The following COL27A1 variants were observed in gnomAD, a reference collection of about 807,000 sequenced individuals.
The protein encoded by COL27A1 is collagen alpha-1(XXVII) chain.
A neutral mutation model predicts 251.3 loss-of-function variants in COL27A1; 106 were observed. The ratio of observed to expected loss-of-function variants is 0.42; its 90% CI spans 0.36 to 0.50. COL27A1 has a LOEUF of 0.50. Among genes scored for constraint, COL27A1 ranks in the 20% least tolerant of loss-of-function variants. COL27A1 has a pLI of 0.00. For synonymous variants in COL27A1, 1,000 were observed against 986.3 expected (o/e 1.01, Z -0.26); for missense variants, 2,325 against 2,522.8 (o/e 0.92, Z 1.68).
intron 4 of COL27A1, among the ~76,000 whole-genome samples, chr9:114,182,519 A>G (rs921804147): frequency 1.2e-4 from 18 of 152,190 alleles, no homozygotes; most frequent in African/African-American, 4.3e-4. Flanking sequence ...AGGGAACAGC[A>G]TGGGCAAACG....
chr9:114,275,141 G>T (rs1324678633), intron 36 of COL27A1, among the ~76,000 whole-genome samples: 1 of 151,880 alleles, frequency 6.6e-6, no homozygotes, highest in Non-Finnish European at 1.5e-5. Flanking sequence ...GCATGTGCCT[G>T]TAGTCCCAGC....
At chr9:114,224,169 T>G (rs2135401127) in intron 14 of COL27A1, among the ~76,000 whole-genome samples, 1 of 152,332 alleles carries the variant, frequency 6.6e-6, no homozygotes, top group East Asian at 1.9e-4. Context: ...AAGAAATATC[T>G]GCCATGGGAA....
At chr9:114,230,388 C>T (rs948139275) in intron 14 of COL27A1, among the ~76,000 whole-genome samples, 3 of 152,064 alleles carry the variant, frequency 2.0e-5, no homozygotes, top group East Asian at 1.9e-4. Flanking sequence ...GTCATGGGGA[C>T]AGCACTCAGC....
intron 7 of COL27A1, among the ~76,000 whole-genome samples, chr9:114,197,082 G>A (rs1333809669): frequency 6.6e-6 from 1 of 152,206 alleles, no homozygotes; most frequent in African/African-American, 2.4e-5. Flanking sequence ...TGGGGGGAAG[G>A]CAATGCAGAC....
intron 14 of COL27A1, among the ~76,000 whole-genome samples, chr9:114,230,561 C>T (rs1400440535): frequency 6.6e-6 from 1 of 152,158 alleles, no homozygotes; most frequent in Non-Finnish European, 1.5e-5. Flanking sequence ...CCCACAGGGT[C>T]CACCATCAAC....
At chr9:114,304,551 A>T (rs1311019262) in intron 56 of COL27A1, 57 bp from the exon 57 acceptor site, 1 of 1,540,340 alleles carries the variant, frequency 6.5e-7, no homozygotes, top group East Asian at 2.3e-5. Flanking sequence ...CTCCCACTTG[A>T]TGGGTGTGGA....
chr9:114,264,463 C>G (rs16927667), intron 29 of COL27A1, 55 bp downstream of exon 29: 1 of 1,379,530 alleles, frequency 7.2e-7, no homozygotes, highest in Non-Finnish European at 9.9e-7. Context: ...GGTCAGGAAT[C>G]GTGAACAAGG....
chr9:114,228,599 G>A (rs1463898741), intron 14 of COL27A1, among the ~76,000 whole-genome samples: 2 of 152,220 alleles, frequency 1.3e-5, no homozygotes, highest in African/African-American at 2.4e-5. Flanking sequence ...CCGTGATATC[G>A]CTGGAGCCCT....
Position 114,310,888 on chromosome 9 carries a change from G to A in COL27A1, c.*193G>A. 7.3e-6 allele frequency: 4 copies of A among 549,582 alleles called. No individual in the cohort carries two copies. The allele number at this position is 549,582 out of a possible 1,614,324, so 34.0% of individuals were successfully genotyped here. A position where few individuals can be genotyped will look rare whatever the true frequency, so the allele number is the denominator to read the frequency against. ...GGATAGGGTGTCCTTGGGAACAATG[G>A]ATCCCAGCTTAGCCCCAAAGACCAA... On this transcript the variant is annotated 3_prime_UTR_variant, in exon 61 of 61. Transcript: ENST00000356083.
intron 12 of COL27A1, among the ~76,000 whole-genome samples, chr9:114,218,951 GTTT>G (rs10710008): frequency 0.087 from 12,785 of 147,782 alleles, 605 homozygotes; most frequent in East Asian, 0.16. Context: ...CATGTGCTTT[GTTT>G]TTTTTTTTTT....
rs201145650 is a variant in COL27A1 at position 114,245,845 on chromosome 9, C to T, written c.2935-21C>T. 374 of 1,613,096 alleles carry T rather than the reference C, an allele frequency of 2.3e-4. 2 individuals are homozygous for T. In the East Asian group the frequency reaches 8.1e-3, roughly 35 times the overall value. ...CTTTCATCTCCCATCCCAATCCATC[C>T]TCCTCTTTGTCTCTTTGCAGGGGGA... is the stretch of plus-strand genomic sequence containing the variant. On this transcript the variant is annotated intron_variant, in intron 23 of 60. Transcript: ENST00000356083.
intron 37 of COL27A1, among the ~76,000 whole-genome samples, chr9:114,280,345 G>C (rs1483333124): frequency 6.6e-6 from 1 of 151,948 alleles, no homozygotes; most frequent in Admixed American, 6.6e-5. Flanking sequence ...CTGGATTACA[G>C]GCGTGCACTA....
chr9:114,299,390 G>T (rs370754211), intron 49 of COL27A1, among the ~76,000 whole-genome samples: 1 of 152,176 alleles, frequency 6.6e-6, no homozygotes, highest in East Asian at 1.9e-4. Context: ...GGGGCCCCCA[G>T]CCCTCCCTTC....
rs771837540 is a variant in COL27A1 at position 114,266,635 on chromosome 9, C to G, written c.3447+17C>G. On this transcript the variant is annotated intron_variant, in intron 33 of 60. Coordinates refer to ENST00000356083, the MANE Select transcript of COL27A1 (RefSeq NM_032888.4). Reference sequence around the variant, plus strand: ...GGACCCAAGGTGAGTGTGAGAGACCCTTATTCGTCCCATGATGCTGCTGGG... The same window carrying G: ...GGACCCAAGGTGAGTGTGAGAGACCGTTATTCGTCCCATGATGCTGCTGGG... 6.2e-7 allele frequency: 1 copy of G among 1,610,634 alleles called. No individual in the cohort carries two copies. Among genetic ancestry groups the G allele is most frequent in the South Asian group, 1.1e-5 (1 of 90,972 alleles).
intron 14 of COL27A1, among the ~76,000 whole-genome samples, chr9:114,230,820 A>G (rs1388100231): frequency 6.6e-6 from 1 of 152,226 alleles, no homozygotes; most frequent in Non-Finnish European, 1.5e-5. Context: ...TAGGAGAGAA[A>G]TATTGAATAT....
chr9:114,160,366 AG>A (rs1207136041), intron 1 of COL27A1, among the ~76,000 whole-genome samples: 1 of 152,098 alleles, frequency 6.6e-6, no homozygotes, highest in Non-Finnish European at 1.5e-5. Flanking sequence ...TGTGTTAGCC[AG>A]GATGGTCTTG....
intron 1 of COL27A1, among the ~76,000 whole-genome samples, chr9:114,158,513 G>T (rs971427695): frequency 6.6e-6 from 1 of 152,116 alleles, no homozygotes; most frequent in Non-Finnish European, 1.5e-5. Flanking sequence ...CTCCCGTTTC[G>T]GCTGCCTCCT....
In COL27A1 at chr9:114,204,114, T is replaced by G. The variant is rs545111326; in HGVS notation, c.2125-988T>G. 3.3e-5 allele frequency among the ~76,000 whole-genome samples: 5 copies of G among 151,872 alleles called. No individual in the cohort carries two copies. In the East Asian group the frequency reaches 9.7e-4, roughly 29 times the overall value. On this transcript the variant is annotated intron_variant, in intron 7 of 60. Coordinates refer to ENST00000356083, the MANE Select transcript of COL27A1 (RefSeq NM_032888.4). ...GTGTGTATTTTAGACTCTGGAGGAGTCTTCAAATTCTAGGGTTCTAAAACA... is the reference window on the plus strand; with the variant it reads ...GTGTGTATTTTAGACTCTGGAGGAGGCTTCAAATTCTAGGGTTCTAAAACA...
chr9:114,205,736 T>C, intron 8 of COL27A1, 23 bp from the exon 9 acceptor site: 2 of 1,612,488 alleles, frequency 1.2e-6, no homozygotes, highest in Non-Finnish European at 8.5e-7. Context: ...CTTTTCCTTA[T>C]GTTTCTCTCT....
Sources: allele counts gnomAD v4.1 joint callset (sites outside exome capture counted in the v4.1 genomes callset), GRCh38; gene constraint gnomAD v4.1.1; transcripts MANE v1.5; gene names NCBI Gene and HGNC (gene_info 2026-07-23, HGNC 2026-07-21).